VANGL2: variants seen among roughly 807,000 people sequenced by gnomAD.
VANGL2 encodes the protein vang-like protein 2.
A neutral mutation model predicts 50.2 loss-of-function variants in VANGL2; 14 were observed. The ratio of observed to expected loss-of-function variants is 0.28; its 90% CI spans 0.18 to 0.44. The LOEUF (loss-of-function observed/expected upper bound fraction) is 0.44. Among genes scored for constraint, VANGL2 ranks in the 20% least tolerant of loss-of-function variants. VANGL2 has a pLI of 1.00. For missense variants in VANGL2, 533 were observed against 701.5 expected, an observed-to-expected ratio of 0.76 and a Z score of 2.71; for synonymous variants, 295 against 297.2, an observed-to-expected ratio of 0.99 and a Z score of 0.08.
chr1:160,406,967 A>G (rs1650694955), intron 1 of VANGL2, among the ~76,000 whole-genome samples: 1 of 151,980 alleles, frequency 6.6e-6, no homozygotes, highest in African/African-American at 2.4e-5. Context: ...ACCTCAGGTG[A>G]TCTACCTGCC....
rs1033624938 is a variant in VANGL2, at chr1:160,428,469, G to C, written c.*3091G>C. On this transcript the variant is annotated 3_prime_UTR_variant, in exon 8 of 8. Coordinates refer to ENST00000368061, the MANE Select transcript of VANGL2 (RefSeq NM_020335.3). Reference sequence around the variant, plus strand: ...TCTAGATTTTTTTTCCTTTTTTTTGGGGGGGTGGGGTTACAGAGCTGAGAC... The same window carrying C: ...TCTAGATTTTTTTTCCTTTTTTTTGCGGGGGTGGGGTTACAGAGCTGAGAC... 6.6e-6 allele frequency: 1 copy of C among 151,716 alleles called. No individual in the cohort carries two copies. The highest frequency in any genetic ancestry group is 2.4e-5 in the African/African-American group (1 of 41,122). 9.4% of individuals were successfully genotyped at this position (151,716 alleles called of 1,614,324 possible). A position where few individuals can be genotyped will look rare whatever the true frequency, so the allele number is the denominator to read the frequency against.
chr1:160,421,012 A>G (rs2101968482), intron 5 of VANGL2, 40 bp from the exon 6 acceptor site: 3 of 1,613,244 alleles, frequency 1.9e-6, no homozygotes, highest in East Asian at 2.2e-5. Context: ...GAGAGGCCAC[A>G]CTCTGATGTG....
In VANGL2 at chr1:160,419,727, T is replaced by G; in HGVS notation, c.800+118T>G. 2 of 1,430,570 alleles carry G rather than the reference T, an allele frequency of 1.4e-6. No homozygotes were observed. Among genetic ancestry groups the G allele is most frequent in the Non-Finnish European group, 1.9e-6 (2 of 1,081,078 alleles). 88.6% of individuals were successfully genotyped at this position (1,430,570 alleles called of 1,614,324 possible). A position where few individuals can be genotyped will look rare whatever the true frequency, so the allele number is the denominator to read the frequency against. The stretch of plus-strand genomic sequence containing the variant: ...GAGGTGATGGGCTTGGAGGGTTGTG[T>G]GGGAGGGAGTTGAGTACTTTGCACC... On this transcript the variant is annotated intron_variant, in intron 4 of 7. Transcript: ENST00000368061. The surrounding 1 kb of genome is among the most constrained non-coding windows in gnomAD (Gnocchi z 5.8).
intron 3 of VANGL2, among the ~76,000 whole-genome samples, chr1:160,416,925 A>G (rs1211839012): frequency 6.6e-6 from 1 of 152,064 alleles, no homozygotes; most frequent in African/African-American, 2.4e-5. Context: ...CTCAGAAGAA[A>G]TCTCTGTGGC....
chr1:160,405,017 A>G (rs1650602967), intron 1 of VANGL2, among the ~76,000 whole-genome samples: 1 of 152,104 alleles, frequency 6.6e-6, no homozygotes, highest in Admixed American at 6.5e-5. Flanking sequence ...TTAGGGGAGA[A>G]GAGAGGCTAG....
intron 1 of VANGL2, among the ~76,000 whole-genome samples, chr1:160,406,789 C>T (rs998921398): frequency 2.6e-5 from 4 of 151,152 alleles, no homozygotes; most frequent in South Asian, 2.1e-4. Context: ...AGTGCAATGG[C>T]GCGATCTTGG....
At position 160,418,987 on chromosome 1, in the gene VANGL2, C is replaced by T. The variant is rs766865340; in HGVS notation, c.193-15C>T. 4.4e-6 allele frequency: 7 copies of T among 1,599,522 alleles called. No individual in the cohort carries two copies. Among genetic ancestry groups the T allele is most frequent in the Non-Finnish European group, 6.0e-6 (7 of 1,170,434 alleles). On this transcript the variant is annotated splice_polypyrimidine_tract_variant and intron_variant, in intron 3 of 7. Transcript: ENST00000368061. Reference sequence around the variant, plus strand: ...TTTCCTCCTTATTGTGTGGCTGGCCCCCTTCTGCCTGTAGGATGACAACTG... The same window carrying T: ...TTTCCTCCTTATTGTGTGGCTGGCCTCCTTCTGCCTGTAGGATGACAACTG...
At position 160,419,276 on chromosome 1, in the gene VANGL2, T is replaced by C; in HGVS notation, c.467T>C (p.Leu156Pro). The C allele has an allele frequency of 6.2e-7, 1 of 1,607,750 alleles. No homozygotes were observed. Residue 156 changes from leucine (L) to proline (P), a missense_variant, in exon 4 of 8, where the codon CTG becomes CCG. Physicochemically the swap from Leu to Pro is moderately conservative, Grantham distance 98. Transcript: ENST00000368061. This position sits in a 1 kb window ranked among gnomAD's most constrained non-coding sequence, Gnocchi z 5.8. ...EGLFISVAFK[L>P]LILLLGSWAL... ...CTCTTCATCTCTGTCGCCTTCAAGC[T>C]GCTCATCCTGCTACTGGGCAGCTGG...
intron 1 of VANGL2, among the ~76,000 whole-genome samples, chr1:160,401,083 C>G (rs928666670): frequency 3.9e-4 from 59 of 152,118 alleles, no homozygotes; most frequent in Admixed American, 3.3e-4. Context: ...GAGTACCCCC[C>G]CCAACTTTGG....
At chr1:160,423,670 G>A (rs996892501) in intron 6 of VANGL2, among the ~76,000 whole-genome samples, 2 of 152,218 alleles carry the variant, frequency 1.3e-5, no homozygotes. Context: ...TGCTGTCATG[G>A]TTGAACAGAA....
intron 3 of VANGL2, among the ~76,000 whole-genome samples, chr1:160,418,187 C>T (rs1651129683): frequency 6.6e-6 from 1 of 152,160 alleles, no homozygotes; most frequent in South Asian, 2.1e-4. Flanking sequence ...TCCCAAAGTG[C>T]TGGGATTACA....
chr1:160,402,069 C>G (rs1557902810), intron 1 of VANGL2, among the ~76,000 whole-genome samples: 1 of 152,068 alleles, frequency 6.6e-6, no homozygotes. Context: ...GGGGTAGTAC[C>G]TTAAGTATCT....
chr1:160,412,628 C>T (rs1004927472), intron 1 of VANGL2, among the ~76,000 whole-genome samples: 1 of 152,192 alleles, frequency 6.6e-6, no homozygotes, highest in African/African-American at 2.4e-5. Flanking sequence ...TATTATGTCC[C>T]TGTCCTCTAA....
intron 1 of VANGL2, among the ~76,000 whole-genome samples, chr1:160,414,746 G>A (rs762902062): frequency 6.6e-6 from 1 of 150,610 alleles, no homozygotes. Flanking sequence ...GGTGATGGCT[G>A]TTAGGGGAGT....
At chr1:160,406,749 T>TG (rs1557904774) in intron 1 of VANGL2, among the ~76,000 whole-genome samples, 2 of 150,470 alleles carry the variant, frequency 1.3e-5, no homozygotes. Flanking sequence ...TTTTTTTTTT[T>TG]GAAACCGTTT....
rs572362079 is a variant in VANGL2, at chr1:160,424,265, G to T, written c.1287G>T (p.Thr429=). 206 of 1,614,110 alleles carry T rather than the reference G, an allele frequency of 1.3e-4. 1 individual carries two copies. In the South Asian group the frequency reaches 2.1e-3, roughly 17 times the overall value. The change falls in exon 7 of 8, where the codon ACG becomes ACT. Residue 429 remains threonine (T), a synonymous_variant. Coordinates refer to ENST00000368061, the MANE Select transcript of VANGL2 (RefSeq NM_020335.3). ...SILQHLEFCI[T]HDMTPKAFLE... ...TGCAGCACCTTGAATTCTGCATCAC[G>T]CATGACATGACGCCCAAGGTAGGCC...
At chr1:160,410,593 C>G (rs1239957178) in intron 1 of VANGL2, among the ~76,000 whole-genome samples, 1 of 152,114 alleles carries the variant, frequency 6.6e-6, no homozygotes, top group Non-Finnish European at 1.5e-5. Flanking sequence ...GCCTTGCCCA[C>G]TTGAGCCGCC....
rs1171020146 is a variant in VANGL2 at position 160,415,889 on chromosome 1, C to T, written c.52C>T (p.Arg18Cys). ...SGYSYKSGHS[R>C]SSRKHRDRRD... ...CTATTCCTACAAGTCGGGCCACTCC[C>T]GCAGCTCCCGCAAGCACAGGTGGGC... The change falls in exon 2 of 8, where the codon CGC becomes TGC. Residue 18 changes from arginine to cysteine, a missense_variant. Coordinates refer to ENST00000368061, the MANE Select transcript of VANGL2 (RefSeq NM_020335.3). 5.6e-6 allele frequency: 9 copies of T among 1,614,026 alleles called. No individual in the cohort carries two copies. The highest frequency in any genetic ancestry group is 1.7e-5 in the Admixed American group (1 of 60,000).
At position 160,426,403 on chromosome 1, in the gene VANGL2, T is replaced by C. The variant is rs1651455721; in HGVS notation, c.*1025T>C. 6.5e-6 allele frequency: 1 copy of C among 152,778 alleles called. No homozygotes were observed. The highest frequency in any genetic ancestry group is 1.5e-5 in the Non-Finnish European group (1 of 68,146). The allele number at this position is 152,778 out of a possible 1,614,324, so 9.5% of individuals were successfully genotyped here. ...CCAGAGACCTGTTGCCTCATCTCTT[T>C]TGGGGAAGAGCCGGCAGCTCCTCCT... On this transcript the variant is annotated 3_prime_UTR_variant, in exon 8 of 8. Transcript: ENST00000368061.
Sources: allele counts gnomAD v4.1 joint callset (sites outside exome capture counted in the v4.1 genomes callset), GRCh38; gene constraint gnomAD v4.1.1; non-coding constraint Gnocchi (gnomAD v3.1); transcripts MANE v1.5; gene names NCBI Gene and HGNC (gene_info 2026-07-23, HGNC 2026-07-21).